DLG3: variants seen among roughly 807,000 people sequenced by gnomAD.
DLG3 encodes the protein disks large homolog 3.
DLG3 carries 1 observed loss-of-function variant against 64.1 expected under a neutral mutation model. The observed-to-expected ratio is 0.02, with a 90% CI of 0.01 to 0.07. DLG3 has a LOEUF of 0.07. Among genes scored for constraint, DLG3 ranks in the 10% least tolerant of loss-of-function variants. The pLI is 1.00. For synonymous variants in DLG3, 245 were observed against 259.8 expected, an observed-to-expected ratio of 0.94 and a Z score of 0.55; for missense variants, 429 against 669.5, an observed-to-expected ratio of 0.64 and a Z score of 3.96.
At chrX:70,501,413 C>CTGTGTGTGTG (rs58272461) in intron 18 of DLG3, among the ~76,000 whole-genome samples, 125 of 93,876 alleles carry the variant, frequency 1.3e-3, no homozygotes, top group African/African-American at 4.6e-3. Context: ...GTCTGTCTGT[C>CTGTGTGTGTG]TGTGTGTGTG....
chrX:70,472,600 T>A (rs770757431), intron 9 of DLG3, among the ~76,000 whole-genome samples: 1 of 111,375 alleles, frequency 9.0e-6, no homozygotes, highest in Admixed American at 9.5e-5. Context: ...TTCCCAGTAT[T>A]GGACATGTTT....
At chrX:70,495,293 C>G (rs1170129577) in intron 12 of DLG3, 115 bp from the exon 13 acceptor site, 1 of 691,269 alleles carries the variant, frequency 1.4e-6, no homozygotes, top group Non-Finnish European at 2.3e-6. Context: ...GTCTTTTTCT[C>G]TATTTTTTCT....
chrX:70,445,573 A>AG lies in DLG3; in HGVS notation c.357+21dup, dbSNP rs758639012. 7 of 1,168,072 alleles carry AG rather than the reference A, an allele frequency of 6.0e-6. No homozygotes were observed. The highest frequency in any genetic ancestry group is 2.3e-6 in the Non-Finnish European group (2 of 872,086). On this transcript the variant is annotated intron_variant, in intron 1 of 18. Coordinates refer to ENST00000374360, the MANE Select transcript of DLG3 (RefSeq NM_021120.4). ...GGTATGAGCAGGTATGGACCAGCGG[A>AG]GGGGGGAGCGGTGGGGCAACCCAGG...
At chrX:70,478,577 G>A (rs2087098260) in intron 9 of DLG3, among the ~76,000 whole-genome samples, 1 of 111,717 alleles carries the variant, frequency 9.0e-6, no homozygotes, top group South Asian at 3.8e-4. Flanking sequence ...GGTTGTTACG[G>A]TTGTGAGGTT....
At chrX:70,498,189 C>T (rs1273652892) in intron 13 of DLG3, among the ~76,000 whole-genome samples, 2 of 112,559 alleles carry the variant, frequency 1.8e-5, no homozygotes, top group African/African-American at 6.5e-5. Flanking sequence ...GTCATTCTTA[C>T]CAGAGCAAGG....
chrX:70,477,955 A>T (rs1161467105), intron 9 of DLG3, among the ~76,000 whole-genome samples: 1 of 111,392 alleles, frequency 9.0e-6, no homozygotes, highest in African/African-American at 3.3e-5. Flanking sequence ...CTAGGTGGGG[A>T]TGCTTCTTGC....
At chrX:70,462,447 G>A (rs998207111) in intron 9 of DLG3, among the ~76,000 whole-genome samples, 12 of 108,452 alleles carry the variant, frequency 1.1e-4, no homozygotes, top group African/African-American at 3.0e-4. Flanking sequence ...ATGGGGTTTC[G>A]CCATGTTAGC....
chrX:70,460,067 G>A (rs1015503964), intron 9 of DLG3, among the ~76,000 whole-genome samples: 1 of 110,606 alleles, frequency 9.0e-6, no homozygotes, highest in African/African-American at 3.3e-5. Context: ...GGTGGATCAC[G>A]AGGTCAAGAG....
chrX:70,477,305 T>A (rs978823135), intron 9 of DLG3, among the ~76,000 whole-genome samples: 10 of 112,597 alleles, frequency 8.9e-5, no homozygotes, highest in African/African-American at 3.2e-4. Context: ...TCTCTTTGAC[T>A]TATCTTCCCC....
intron 3 of DLG3, 54 bp from the exon 4 acceptor site, chrX:70,449,636 G>A: frequency 1.7e-6 from 2 of 1,190,636 alleles, no homozygotes; most frequent in African/African-American, 1.8e-5. Context: ...GGAAGCAGGA[G>A]AGGGGGTGGA....
At chrX:70,476,528 C>T (rs775848718) in intron 9 of DLG3, among the ~76,000 whole-genome samples, 2 of 111,981 alleles carry the variant, frequency 1.8e-5, no homozygotes, top group South Asian at 7.5e-4. Flanking sequence ...TAAGTCTATT[C>T]TAAACAGTTT....
At chrX:70,497,295 C>T in intron 13 of DLG3, 1 of 1,013,384 alleles carries the variant, frequency 9.9e-7, no homozygotes, top group South Asian at 1.9e-5. Context: ...CAGTGTTGCA[C>T]AGCTGCCATT....
chrX:70,499,965 G>A lies in DLG3; in HGVS notation c.2061G>A (p.Gln687=). The A allele has an allele frequency of 8.3e-7, 1 of 1,210,877 alleles. No homozygotes were observed. Among genetic ancestry groups the A allele is most frequent in the East Asian group, 3.0e-5 (1 of 33,827 alleles). Reference sequence around the variant, plus strand: ...GAGAACAAATGGAGAAAGATATTCAGGACAACAAGTTCATCGAGGCGGGCC... The same window carrying A: ...GAGAACAAATGGAGAAAGATATTCAAGACAACAAGTTCATCGAGGCGGGCC... ...VSREQMEKDI[Q]DNKFIEAGQF... The change falls in exon 16 of 19, where the codon CAG becomes CAA. Residue 687 remains glutamine, a synonymous_variant. Coordinates refer to ENST00000374360, the MANE Select transcript of DLG3 (RefSeq NM_021120.4).
intron 10 of DLG3, among the ~76,000 whole-genome samples, chrX:70,480,907 C>T (rs1434402712): frequency 8.9e-6 from 1 of 112,169 alleles, no homozygotes; most frequent in East Asian, 2.8e-4. Context: ...TCTTCCCTGG[C>T]TCAGGCAAGG....
chrX:70,445,814 G>A (rs1419383770), intron 1 of DLG3, among the ~76,000 whole-genome samples: 1 of 101,388 alleles, frequency 9.9e-6, no homozygotes, highest in Non-Finnish European at 2.0e-5. Context: ...ACATTTTCCT[G>A]TGTGGGGGAA....
chrX:70,480,214 G>A (rs755406695), intron 10 of DLG3, among the ~76,000 whole-genome samples: 3 of 112,324 alleles, frequency 2.7e-5, no homozygotes, highest in African/African-American at 9.7e-5. Context: ...TTTTTCTAGT[G>A]GCCTCTGATA....
chrX:70,465,788 C>T (rs1021921497), intron 9 of DLG3, among the ~76,000 whole-genome samples: 1 of 111,593 alleles, frequency 9.0e-6, no homozygotes, highest in Non-Finnish European at 1.9e-5. Context: ...ACATTTTCCT[C>T]GATCACCATA....
At chrX:70,463,339 G>A (rs976774543) in intron 9 of DLG3, among the ~76,000 whole-genome samples, 1 of 110,039 alleles carries the variant, frequency 9.1e-6, no homozygotes, top group South Asian at 3.9e-4. Flanking sequence ...TAGAGATGAG[G>A]GTTCATCATG....
chrX:70,480,458 T>G (rs12843277), intron 10 of DLG3, among the ~76,000 whole-genome samples: 43,413 of 110,808 alleles, frequency 0.39, 7,765 homozygotes, highest in African/African-American at 0.7. Flanking sequence ...TTTCCTAATG[T>G]GAACCCTCAA....
Sources: gnomAD v4.1 joint callset for allele counts (sites outside exome capture counted in the v4.1 genomes callset) on GRCh38, gnomAD v4.1.1 for gene constraint, MANE v1.5 for transcripts, NCBI Gene and HGNC (gene_info 2026-07-23, HGNC 2026-07-21) for gene names.